Variants in JADE2 observed in about 807,000 individuals in gnomAD.
The protein encoded by JADE2 is jade family PHD finger 2.
A neutral mutation model predicts 85.7 loss-of-function variants in JADE2; 13 were observed. That is an observed-to-expected ratio of 0.15 (90% CI 0.10 to 0.24). The LOEUF is 0.24. Among genes scored for constraint, JADE2 ranks in the 10% least tolerant of loss-of-function variants. JADE2 has a pLI of 1.00. For missense variants in JADE2, 846 were observed against 1,115.9 expected, an observed-to-expected ratio of 0.76 and a Z score of 3.45; for synonymous variants, 440 against 456.1, an observed-to-expected ratio of 0.96 and a Z score of 0.45.
intron 3 of JADE2, among the ~76,000 whole-genome samples, chr5:134,547,239 T>TC (rs1223338141): frequency 2.6e-5 from 4 of 152,208 alleles, no homozygotes; most frequent in Non-Finnish European, 5.9e-5. Context: ...AGCAGACTCT[T>TC]TAGCCCCCTC....
At chr5:134,565,108 C>T (rs939206558) in intron 8 of JADE2, among the ~76,000 whole-genome samples, 1 of 152,154 alleles carries the variant, frequency 6.6e-6, no homozygotes, top group Non-Finnish European at 1.5e-5. Flanking sequence ...CTGAGAGGCT[C>T]TGACTCAGTA....
At chr5:134,527,580 C>T (rs1039755375) in intron 1 of JADE2, among the ~76,000 whole-genome samples, 5 of 152,108 alleles carry the variant, frequency 3.3e-5, no homozygotes, top group African/African-American at 1.2e-4. Flanking sequence ...CCCGGCGCCG[C>T]CCCCGGTCGA....
At chr5:134,535,310 G>A (rs892711991) in intron 1 of JADE2, among the ~76,000 whole-genome samples, 1 of 152,144 alleles carries the variant, frequency 6.6e-6, no homozygotes, top group Non-Finnish European at 1.5e-5. Context: ...GACCCAGCCT[G>A]GAGTGTCCCC....
rs751107665 is a variant in JADE2 at position 134,566,648 on chromosome 5, A to AC, written c.1434+69dup. The AC allele has an allele frequency of 2.5e-6, 3 of 1,185,506 alleles. No homozygotes were observed. The highest frequency in any genetic ancestry group is 3.5e-6 in the Non-Finnish European group (3 of 850,762). 73.4% of individuals were successfully genotyped at this position (1,185,506 alleles called of 1,614,324 possible). On this transcript the variant is annotated intron_variant, in intron 9 of 11. Coordinates refer to ENST00000681547, the MANE Select transcript of JADE2 (RefSeq NM_001388185.1). The surrounding 1 kb of genome is among the most constrained non-coding windows in gnomAD (Gnocchi z 6.7). ...CAGGAGTCCTTTCCATGCCACACTC[A>AC]CTGCCCTGGAGCAGCTAGGACTCAC...
Position 134,576,806 on chromosome 5 carries a change from T to A in JADE2, c.1591T>A (p.Ser531Thr), listed in dbSNP as rs1421609779. ...GAGAGCAAAGGGCAAGAAGAGTGAC[T>A]CGAAGAGGAAGGGCTGCGAGGGCTC... Reference protein sequence around the residue: ...GRRAKGKKSDSKRKGCEGSKG... With the variant: ...GRRAKGKKSDTKRKGCEGSKG... Residue 531 changes from serine to threonine, a missense_variant, in exon 11 of 12, where the codon TCG (serine) becomes ACG (threonine). Coordinates refer to ENST00000681547, the MANE Select transcript of JADE2 (RefSeq NM_001388185.1). 6.5e-7 allele frequency: 1 copy of A among 1,550,220 alleles called. No homozygotes were observed. Among genetic ancestry groups the A allele is most frequent in the Non-Finnish European group, 8.7e-7 (1 of 1,146,908 alleles).
At chr5:134,573,996 G>T (rs763144462) in intron 10 of JADE2, 1 of 612,302 alleles carries the variant, frequency 1.6e-6, no homozygotes, top group South Asian at 1.7e-5. Context: ...TGGGCATCAG[G>T]CCTGCCCTCA....
At chr5:134,552,671 CTT>C (rs1762660361) in intron 4 of JADE2, among the ~76,000 whole-genome samples, 1 of 152,160 alleles carries the variant, frequency 6.6e-6, no homozygotes, top group Non-Finnish European at 1.5e-5. Context: ...GTTCTTTTTT[CTT>C]TCTTTTTTTA....
intron 9 of JADE2, among the ~76,000 whole-genome samples, chr5:134,570,815 C>G (rs1292468202): frequency 6.6e-6 from 1 of 152,220 alleles, no homozygotes; most frequent in Non-Finnish European, 1.5e-5. Flanking sequence ...GGGCTGGAGA[C>G]CTCAGGCTCC....
At chr5:134,534,192 G>A (rs1390008004) in intron 1 of JADE2, among the ~76,000 whole-genome samples, 1 of 152,126 alleles carries the variant, frequency 6.6e-6, no homozygotes, top group Non-Finnish European at 1.5e-5. Flanking sequence ...CTTAACCTCT[G>A]AGCTTCAGTT....
chr5:134,578,921 T>C lies in JADE2; in HGVS notation c.2109T>C (p.Pro703=). The C allele has an allele frequency of 6.2e-7, 1 of 1,613,764 alleles. No individual in the cohort carries two copies. Among genetic ancestry groups the C allele is most frequent in the Non-Finnish European group, 8.5e-7 (1 of 1,179,990 alleles). Residue 703 remains proline, a synonymous_variant, in exon 12 of 12, where the codon CCT becomes CCC. Transcript: ENST00000681547. This position sits in a 1 kb window ranked among gnomAD's most constrained non-coding sequence, Gnocchi z 4.4. ...CATCTTCTCACTTGCCGTCCAGCCC[T>C]GCAGCCGGGGACTGTCCCATCCTAG... is the stretch of plus-strand genomic sequence containing the variant. ...RRTSSHLPSS[P]AAGDCPILAT...
Position 134,562,196 on chromosome 5 carries a change from C to T in JADE2, c.685-4C>T, listed in dbSNP as rs1026512686. On this transcript the variant is annotated splice_region_variant and splice_polypyrimidine_tract_variant and intron_variant, in intron 6 of 11. Coordinates refer to ENST00000681547, the MANE Select transcript of JADE2 (RefSeq NM_001388185.1). This position sits in a 1 kb window ranked among gnomAD's most constrained non-coding sequence, Gnocchi z 4.6. ...TGACTCATGACCACCCTGCTCTCTC[C>T]TAGGCATGCTACGGGATCCTCAAGG... 1.2e-6 allele frequency: 2 copies of T among 1,607,392 alleles called. No homozygotes were observed. Among genetic ancestry groups the T allele is most frequent in the African/African-American group, 1.3e-5 (1 of 74,850 alleles).
chr5:134,571,526 A>G (rs775115493), intron 9 of JADE2, among the ~76,000 whole-genome samples: 3 of 152,072 alleles, frequency 2.0e-5, no homozygotes, highest in Non-Finnish European at 4.4e-5. Context: ...GTGAAACCCC[A>G]TCTCTACTAA....
intron 3 of JADE2, among the ~76,000 whole-genome samples, chr5:134,551,327 C>CA (rs1762580286): frequency 6.6e-6 from 1 of 152,116 alleles, no homozygotes; most frequent in African/African-American, 2.4e-5. Context: ...CTCCTGGGCT[C>CA]AAGCAATCCT....
chr5:134,531,652 G>A (rs1761243715), intron 1 of JADE2, among the ~76,000 whole-genome samples: 1 of 151,132 alleles, frequency 6.6e-6, no homozygotes, highest in East Asian at 2.0e-4. Flanking sequence ...GCACAATCTC[G>A]GCTCACTGCA....
intron 6 of JADE2, 53 bp downstream of exon 6, chr5:134,561,010 T>A: frequency 1.3e-6 from 2 of 1,505,300 alleles, no homozygotes; most frequent in Non-Finnish European, 1.8e-6. Context: ...ACACGCTGCC[T>A]GGCAGCGACC....
Position 134,559,852 on chromosome 5 carries a change from C to T in JADE2, c.334C>T (p.Pro112Ser). Residue 112 changes from proline (P) to serine (S), a missense_variant, in exon 5 of 12, where the codon CCC (proline) becomes TCC (serine). Transcript: ENST00000681547. ...VVRILPPLEG[P>S]PAQASPSSTM... Reference sequence around the variant, plus strand: ...TAGGATCCTCCCACCACTGGAAGGCCCCCCTGCCCAGGCATCCCCGAGCAG... The same window carrying T: ...TAGGATCCTCCCACCACTGGAAGGCTCCCCTGCCCAGGCATCCCCGAGCAG... 3 of 1,610,832 alleles carry T rather than the reference C, an allele frequency of 1.9e-6. No homozygotes were observed. Among genetic ancestry groups the T allele is most frequent in the Non-Finnish European group, 2.5e-6 (3 of 1,178,700 alleles).
intron 1 of JADE2, among the ~76,000 whole-genome samples, chr5:134,528,464 G>A (rs997078274): frequency 2.6e-5 from 4 of 152,190 alleles, no homozygotes; most frequent in African/African-American, 7.2e-5. Context: ...CTATAAGGGG[G>A]AAGGAATGAG....
chr5:134,552,256 AG>A, intron 4 of JADE2, 47 bp downstream of exon 4: 2 of 1,567,658 alleles, frequency 1.3e-6, no homozygotes, highest in East Asian at 4.5e-5. Flanking sequence ...CAGGGGAGGA[AG>A]GGGAGGCTGC....
chr5:134,537,932 G>T, intron 2 of JADE2, 57 bp from the exon 3 acceptor site: 1 of 1,282,378 alleles, frequency 7.8e-7, no homozygotes, highest in South Asian at 1.2e-5. Flanking sequence ...TCTTGGGCAT[G>T]AGTGGGTGGT....
Sources: allele counts gnomAD v4.1 joint callset (sites outside exome capture counted in the v4.1 genomes callset), GRCh38; gene constraint gnomAD v4.1.1; non-coding constraint Gnocchi (gnomAD v3.1); transcripts MANE v1.5; gene names NCBI Gene and HGNC (gene_info 2026-07-23, HGNC 2026-07-21).